Variants in MNS1 observed in about 807,000 individuals in gnomAD.
MNS1 encodes the protein meiosis-specific nuclear structural protein 1.
In MNS1, 63 loss-of-function variants were observed where a neutral mutation model predicts 72.0. The observed-to-expected ratio is 0.87, with a 90% CI of 0.71 to 1.08. The LOEUF is 1.08. Ranked by LOEUF, MNS1 falls within the 50% of genes least tolerant of loss-of-function variation. The probability of loss-of-function intolerance (pLI) is 0.00; values close to 1 mark genes in which losing one functional copy is unlikely to be tolerated. For synonymous variants in MNS1, 188 were observed against 172.1 expected (o/e 1.09, Z -0.72); for missense variants, 604 against 562.4 (o/e 1.07, Z -0.75).
chr15:56,455,341 G>A lies in MNS1; in HGVS notation c.353+1053C>T, dbSNP rs2050975069. 1.3e-5 allele frequency among the ~76,000 whole-genome samples: 2 copies of A among 150,210 alleles called. 1 individual carries two copies. Among genetic ancestry groups the A allele is most frequent in the South Asian group, 4.2e-4 (2 of 4,780 alleles). Reference sequence around the variant, plus strand: ...AGATAGTTTGAGACTAGAACAATAAGCAGATTTTAACAGTAATTCTAAATT... The same window carrying A: ...AGATAGTTTGAGACTAGAACAATAAACAGATTTTAACAGTAATTCTAAATT... On this transcript the variant is annotated intron_variant, in intron 3 of 9. Transcript: ENST00000260453.
intron 8 of MNS1, among the ~76,000 whole-genome samples, chr15:56,433,905 G>A (rs1454930490): frequency 3.3e-5 from 5 of 151,914 alleles, no homozygotes; most frequent in African/African-American, 1.2e-4. Flanking sequence ...TAAGTGACAT[G>A]GACTTAGTTT....
intron 3 of MNS1, among the ~76,000 whole-genome samples, chr15:56,456,128 T>C (rs532817458): frequency 6.6e-6 from 1 of 152,284 alleles, no homozygotes; most frequent in South Asian, 2.1e-4. Context: ...ATTCATTTTT[T>C]ATAAGAGGTC....
At chr15:56,432,781 T>C (rs1178262047) in intron 8 of MNS1, among the ~76,000 whole-genome samples, 1 of 152,168 alleles carries the variant, frequency 6.6e-6, no homozygotes, top group Non-Finnish European at 1.5e-5. Context: ...CAATCTGAAA[T>C]ATAACAGCAC....
chr15:56,441,713 C>T (rs149661771), intron 7 of MNS1, among the ~76,000 whole-genome samples: 216 of 152,156 alleles, frequency 1.4e-3, no homozygotes, highest in African/African-American at 5.0e-3. Context: ...AAATTAACAA[C>T]CCTATTTAAA....
chr15:56,437,953 A>T (rs1167758241), intron 7 of MNS1, among the ~76,000 whole-genome samples: 1 of 152,220 alleles, frequency 6.6e-6, no homozygotes, highest in African/African-American at 2.4e-5. Context: ...CCACTGCTCA[A>T]CGAAATAAAA....
chr15:56,456,286 AC>A lies in MNS1; in HGVS notation c.353+107del. 6 of 989,540 alleles carry A rather than the reference AC, an allele frequency of 6.1e-6. No individual in the cohort carries two copies. In the East Asian group the frequency reaches 1.7e-4, roughly 28 times the overall value. The allele number at this position is 989,540 out of a possible 1,614,324, so 61.3% of individuals were successfully genotyped here. A position where few individuals can be genotyped will look rare whatever the true frequency, so the allele number is the denominator to read the frequency against. ...ATAAGTATTTCCAGGTAAAATATTA[AC>A]TAAGTGAAATGACATAAACAAAGAA... On this transcript the variant is annotated intron_variant, in intron 3 of 9. Transcript: ENST00000260453.
intron 4 of MNS1, among the ~76,000 whole-genome samples, chr15:56,446,578 A>C (rs1288338239): frequency 6.6e-6 from 1 of 151,378 alleles, no homozygotes; most frequent in Non-Finnish European, 1.5e-5. Flanking sequence ...TTGTCAGTGA[A>C]TAATCAGTTA....
Position 56,464,141 on chromosome 15 carries a change from T to G in MNS1, c.110A>C (p.Gln37Pro). ...HVQALKNVNS[Q>P]IRNQMVQNEN... ...ATTCTGCACCATTTGATTCCTGATT[T>G]GACTGTTGACGTTTTTTAGAGCTTG... Residue 37 changes from glutamine (Q) to proline (P), a missense_variant, in exon 2 of 10, where the codon CAA becomes CCA. Physicochemically the swap from Gln to Pro is moderately conservative, Grantham distance 76. Transcript: ENST00000260453. 1 of 1,614,130 alleles carries G rather than the reference T, an allele frequency of 6.2e-7. No individual in the cohort carries two copies. Among genetic ancestry groups the G allele is most frequent in the South Asian group, 1.1e-5 (1 of 91,064 alleles).
intron 4 of MNS1, chr15:56,446,045 G>T (rs1342636675): frequency 1.3e-5 from 2 of 151,848 alleles, no homozygotes. Context: ...TTGTACACAC[G>T]CAACACACAC....
At chr15:56,437,264 A>T (rs1050733999) in intron 7 of MNS1, among the ~76,000 whole-genome samples, 23 of 152,208 alleles carry the variant, frequency 1.5e-4, no homozygotes, top group African/African-American at 5.1e-4. Flanking sequence ...AAGCTTATCC[A>T]CCATGATCAA....
chr15:56,456,541 TC>T lies in MNS1; in HGVS notation c.226-21del. 6.2e-7 allele frequency: 1 copy of T among 1,604,586 alleles called. No homozygotes were observed. Among genetic ancestry groups the T allele is most frequent in the Non-Finnish European group, 8.5e-7 (1 of 1,177,674 alleles). Reference sequence around the variant, plus strand: ...TTCTGCCTGAACGAAAAATTTAACTTCGTTGTTTGTCCTCTAGAATCAGATT... The same window carrying T: ...TTCTGCCTGAACGAAAAATTTAACTTGTTGTTTGTCCTCTAGAATCAGATT... On this transcript the variant is annotated intron_variant, in intron 2 of 9. Coordinates refer to ENST00000260453, the MANE Select transcript of MNS1 (RefSeq NM_018365.4).
intron 7 of MNS1, among the ~76,000 whole-genome samples, chr15:56,434,785 G>A (rs1468493225): frequency 6.6e-6 from 1 of 152,068 alleles, no homozygotes; most frequent in East Asian, 1.9e-4. Flanking sequence ...CCACCCATAA[G>A]TATTTTTCAG....
Position 56,452,073 on chromosome 15 carries a change from T to C in MNS1, c.353+4321A>G, listed in dbSNP as rs367910299. On this transcript the variant is annotated intron_variant, in intron 3 of 9. Coordinates refer to ENST00000260453, the MANE Select transcript of MNS1 (RefSeq NM_018365.4). ...TCCATTTACAAGCTTATATCTTCTT[T>C]CTACTTGTCTTCCCTGTCCTATGTT... Among the ~76,000 whole-genome samples the C allele has an allele frequency of 8.5e-5, 13 of 152,356 alleles. No homozygotes were observed. The East Asian group carries it at 1.9e-3, about 23-fold the overall frequency.
intron 3 of MNS1, among the ~76,000 whole-genome samples, chr15:56,450,984 A>C (rs543260307): frequency 9.2e-5 from 14 of 152,350 alleles, no homozygotes; most frequent in African/African-American, 3.4e-4. Flanking sequence ...CTAATGACAA[A>C]TAATGTTGAG....
chr15:56,458,176 T>A (rs1255197140), intron 2 of MNS1, among the ~76,000 whole-genome samples: 2 of 152,236 alleles, frequency 1.3e-5, no homozygotes, highest in Admixed American at 1.3e-4. Context: ...TTTTTAATAA[T>A]TGAGATATAA....
At chr15:56,464,882 T>A in intron 1 of MNS1, 88 bp downstream of exon 1, 1 of 1,583,726 alleles carries the variant, frequency 6.3e-7, no homozygotes, top group East Asian at 2.3e-5. Context: ...GATTAAGCAC[T>A]TAAAATCCTT....
intron 7 of MNS1, among the ~76,000 whole-genome samples, chr15:56,439,944 C>G (rs147274218): frequency 2.5e-4 from 38 of 152,048 alleles, no homozygotes; most frequent in Non-Finnish European, 3.8e-4. Flanking sequence ...AAATCGTGCT[C>G]TAAGATCATG....
chr15:56,444,776 A>G (rs1162637254), intron 4 of MNS1, 103 bp from the exon 5 acceptor site: 1 of 1,058,668 alleles, frequency 9.4e-7, no homozygotes, highest in Admixed American at 2.4e-5. Context: ...CTTTTACATA[A>G]AATAAATTTT....
At chr15:56,434,020 A>G in intron 8 of MNS1, 118 bp downstream of exon 8, 1 of 1,131,160 alleles carries the variant, frequency 8.8e-7, no homozygotes, top group East Asian at 2.4e-5. Context: ...TATATATATT[A>G]GTAAACATAC....
Sources: allele counts gnomAD v4.1 joint callset (sites outside exome capture counted in the v4.1 genomes callset), GRCh38; gene constraint gnomAD v4.1.1; transcripts MANE v1.5; gene names NCBI Gene and HGNC (gene_info 2026-07-23, HGNC 2026-07-21).